Variants in NCOR2 observed in about 807,000 individuals in gnomAD.
NCOR2 encodes the protein nuclear receptor corepressor 2, also known as CTG repeat protein 26.
A neutral mutation model predicts 262.9 loss-of-function variants in NCOR2; 81 were observed. The observed-to-expected ratio is 0.31, with a 90% CI of 0.26 to 0.37. The LOEUF (loss-of-function observed/expected upper bound fraction) is 0.37, where lower values mean the gene tolerates loss of function less well. NCOR2 is among the 10% of genes least tolerant of loss of function. The pLI is 1.00. For missense variants in NCOR2, 3,385 were observed against 3,621.4 expected, an observed-to-expected ratio of 0.93 and a Z score of 1.68; for synonymous variants, 1,659 against 1,559.3, an observed-to-expected ratio of 1.06 and a Z score of -1.51.
intron 3 of NCOR2, among the ~76,000 whole-genome samples, chr12:124,480,681 C>T (rs1429341228): frequency 1.3e-5 from 2 of 152,120 alleles, no homozygotes; most frequent in East Asian, 1.9e-4. Context: ...TGGACACACA[C>T]GTGGGAGGTG....
intron 37 of NCOR2, among the ~76,000 whole-genome samples, chr12:124,339,769 C>A (rs1241869489): frequency 7.2e-6 from 1 of 139,358 alleles, no homozygotes; most frequent in African/African-American, 2.6e-5. Flanking sequence ...GACCACCCCC[C>A]CATCCATCCA....
intron 27 of NCOR2, 32 bp from the exon 30 acceptor site, chr12:124,350,769 G>C (rs1566380778): frequency 1.3e-6 from 2 of 1,595,018 alleles, no homozygotes; most frequent in Non-Finnish European, 1.7e-6. Context: ...CGCCCAGGAG[G>C]CTGCAGCCCA....
chr12:124,421,569 C>A (rs1593462808), intron 12 of NCOR2, among the ~76,000 whole-genome samples: 2 of 152,368 alleles, frequency 1.3e-5, no homozygotes, highest in South Asian at 4.1e-4. Flanking sequence ...GCGCTGGGAA[C>A]AGCTGTCCTT....
intron 2 of NCOR2, 190 bp downstream of exon 4, chr12:124,486,251 C>T (rs936179637): frequency 2.5e-6 from 2 of 798,988 alleles, no homozygotes; most frequent in South Asian, 1.9e-5. Context: ...CTGAGGGCCA[C>T]GTGGCTCTTC....
chr12:124,431,389 C>T (rs555270681), intron 8 of NCOR2, among the ~76,000 whole-genome samples: 2 of 151,106 alleles, frequency 1.3e-5, no homozygotes, highest in African/African-American at 4.9e-5. Flanking sequence ...ACATGGCAGA[C>T]ACACAGACAG....
At chr12:124,385,053 A>G (rs1041810201) in intron 17 of NCOR2, among the ~76,000 whole-genome samples, 26 of 152,012 alleles carry the variant, frequency 1.7e-4, no homozygotes, top group African/African-American at 6.0e-4. Flanking sequence ...GAAGGGAAGG[A>G]GGAGGAAGGG....
intron 25 of NCOR2, 25 bp downstream of exon 27, chr12:124,354,812 C>A (rs765435976): frequency 1.4e-5 from 22 of 1,606,602 alleles, no homozygotes; most frequent in Non-Finnish European, 1.8e-5. Context: ...CTGAGCCACC[C>A]AGACGGATGG....
intron 10 of NCOR2, among the ~76,000 whole-genome samples, chr12:124,428,935 G>A (rs955400149): frequency 6.6e-6 from 1 of 152,210 alleles, no homozygotes. Flanking sequence ...CAGGACCCGG[G>A]AGGGAACAGG....
chr12:124,440,803 C>T lies in NCOR2; in HGVS notation c.816-2807G>A, dbSNP rs981149488. Among the ~76,000 whole-genome samples, 5 of 152,174 alleles carry T rather than the reference C, an allele frequency of 3.3e-5. No individual in the cohort carries two copies. The highest frequency in any genetic ancestry group is 9.7e-5 in the African/African-American group (4 of 41,442). ...TAGATTCCGTGGTGCAGAAAGATCT[C>T]CCAGAGAGGATGGCCTTGAGCTGGG... On this transcript the variant is annotated intron_variant, in intron 7 of 46. Coordinates refer to ENST00000405201, the Ensembl canonical transcript of NCOR2. This position sits in a 1 kb window ranked among gnomAD's most constrained non-coding sequence, Gnocchi z 5.7.
chr12:124,330,756 C>T, intron 44 of NCOR2, 89 bp downstream of exon 46: 1 of 1,411,652 alleles, frequency 7.1e-7, no homozygotes, highest in Non-Finnish European at 9.8e-7. Flanking sequence ...CTAGCGAAGG[C>T]TCCTCGTCCC....
At chr12:124,505,276 C>G (rs570789104) in intron 1 of NCOR2, among the ~76,000 whole-genome samples, 1 of 152,230 alleles carries the variant, frequency 6.6e-6, no homozygotes, top group Non-Finnish European at 1.5e-5. Flanking sequence ...GAACCTTCCC[C>G]CAACCCCAAG....
chr12:124,327,728 A>AAGG lies in NCOR2; in HGVS notation c.6959-98_6959-96dup, dbSNP rs150410001. 2,305 of 820,046 alleles carry AAGG rather than the reference A, an allele frequency of 2.8e-3. 15 individuals carry two copies. The highest frequency in any genetic ancestry group is 0.017 in the South Asian group (983 of 58,582). 50.8% of individuals were successfully genotyped at this position (820,046 alleles called of 1,614,324 possible). ...AGAGAGAGAAGGGAGAGAGAGAGGG[A>AAGG]AGGAGGAGGAGGAGGAGGAGGAGAG... is the stretch of plus-strand genomic sequence containing the variant. On this transcript the variant is annotated intron_variant, in intron 44 of 46. Coordinates refer to ENST00000405201, the Ensembl canonical transcript of NCOR2.
At chr12:124,325,377 G>GGCCCCCCCCCC in exon 47 of NCOR2, 1 of 246,788 alleles carries the variant, frequency 4.1e-6, no homozygotes, top group Non-Finnish European at 6.6e-6. Flanking sequence ...ACCTGACACC[G>GGCCCCCCCCCC]CCCCCCCCCC....
chr12:124,456,345 A>G (rs947685334), intron 6 of NCOR2, among the ~76,000 whole-genome samples: 7 of 152,210 alleles, frequency 4.6e-5, no homozygotes, highest in Non-Finnish European at 7.4e-5. Flanking sequence ...GCTGTGGGGC[A>G]GGCAGGGGCT....
At chr12:124,342,949 G>A (rs2036582724) in intron 33 of NCOR2, 56 bp downstream of exon 35, 7 of 1,575,678 alleles carry the variant, frequency 4.4e-6, no homozygotes, top group Non-Finnish European at 6.0e-6. Flanking sequence ...ACACTGATGA[G>A]GTCCGTGGCC....
chr12:124,395,485 G>A (rs568450175), intron 16 of NCOR2, among the ~76,000 whole-genome samples: 13 of 152,230 alleles, frequency 8.5e-5, no homozygotes, highest in Admixed American at 1.3e-4. Context: ...CCGCGTGCAC[G>A]GCCCCCAGGG....
intron 44 of NCOR2, among the ~76,000 whole-genome samples, chr12:124,329,920 G>A (rs1163399354): frequency 1.3e-5 from 2 of 152,052 alleles, no homozygotes; most frequent in East Asian, 1.9e-4. Context: ...TCTTCTTCCC[G>A]TTGCCTGAGG....
intron 22 of NCOR2, among the ~76,000 whole-genome samples, chr12:124,359,226 G>A (rs1160432220): frequency 3.3e-5 from 5 of 152,224 alleles, no homozygotes; most frequent in African/African-American, 1.2e-4. Context: ...AAGAAGTTGA[G>A]CAGAGACACA....
At chr12:124,433,904 A>ACG (rs1555222719) in intron 8 of NCOR2, among the ~76,000 whole-genome samples, 1,709 of 93,838 alleles carry the variant, frequency 0.018, 112 homozygotes, top group African/African-American at 0.051. Flanking sequence ...ACACACGCAC[A>ACG]CACACACACA....
Sources: allele counts gnomAD v4.1 joint callset (sites outside exome capture counted in the v4.1 genomes callset), GRCh38; gene constraint gnomAD v4.1.1; non-coding constraint Gnocchi (gnomAD v3.1); transcripts MANE v1.5; gene names NCBI Gene and HGNC (gene_info 2026-07-23, HGNC 2026-07-21).